Variants in GLIS3 observed in about 807,000 individuals in gnomAD.
GLIS3 encodes zinc finger protein GLIS3.
GLIS3 carries 53 observed loss-of-function variants against 78.6 expected under a neutral mutation model. The observed-to-expected ratio is 0.67, with a 90% CI of 0.54 to 0.85. The LOEUF (loss-of-function observed/expected upper bound fraction) is 0.85. Among genes scored for constraint, GLIS3 ranks in the 40% least tolerant of loss-of-function variants. GLIS3 has a pLI of 0.00. For synonymous variants in GLIS3, 684 were observed against 509.9 expected (o/e 1.34, Z -4.60); for missense variants, 1,703 against 1,231.1 (o/e 1.38, Z -5.74).
chr9:4,271,095 T>A (rs946076820), intron 2 of GLIS3, among the ~76,000 whole-genome samples: 2 of 152,142 alleles, frequency 1.3e-5, no homozygotes, highest in African/African-American at 4.8e-5. Flanking sequence ...TGAAGAATTT[T>A]ATGATGATCC....
intron 4 of GLIS3, among the ~76,000 whole-genome samples, chr9:4,039,585 A>C (rs1402662779): frequency 6.6e-6 from 1 of 152,170 alleles, no homozygotes; most frequent in Non-Finnish European, 1.5e-5. Flanking sequence ...AGGCCATAAA[A>C]ATACAGGCCA....
chr9:4,149,550 T>A (rs145904034), intron 2 of GLIS3, among the ~76,000 whole-genome samples: 18 of 152,334 alleles, frequency 1.2e-4, no homozygotes, highest in African/African-American at 4.1e-4. Context: ...ATATAAGCAA[T>A]AGTCAGGCAT....
intron 2 of GLIS3, among the ~76,000 whole-genome samples, chr9:4,324,557 T>A (rs770953493): frequency 1.3e-5 from 2 of 152,232 alleles, no homozygotes; most frequent in African/African-American, 2.4e-5. Context: ...TCTTCCTTGA[T>A]GATTTCAAAC....
At chr9:3,838,211 A>C (rs1317744989) in intron 9 of GLIS3, among the ~76,000 whole-genome samples, 2 of 152,218 alleles carry the variant, frequency 1.3e-5, no homozygotes, top group Non-Finnish European at 2.9e-5. Context: ...CCTGGCATGT[A>C]GTAAGCATTC....
chr9:4,489,896 T>G, the GLIS3 span, among the ~76,000 whole-genome samples: 1 of 152,226 alleles, frequency 6.6e-6, no homozygotes, highest in Non-Finnish European at 1.5e-5. Flanking sequence ...GAATAATCCC[T>G]GTGGGGGCAC....
upstream of GLIS3, among the ~76,000 whole-genome samples, chr9:4,350,682 C>G (rs1203437378): frequency 6.6e-6 from 1 of 152,170 alleles, no homozygotes; most frequent in African/African-American, 2.4e-5. Context: ...TCTCTCAAAT[C>G]AAGTAATATC....
chr9:4,285,737 T>G, intron 2 of GLIS3: 1 of 404,900 alleles, frequency 2.5e-6, no homozygotes, highest in Non-Finnish European at 4.6e-6. Context: ...CTTGCTAACC[T>G]AGCTCTTACC....
intron 4 of GLIS3, among the ~76,000 whole-genome samples, chr9:3,972,467 G>A (rs1375397318): frequency 2.0e-5 from 3 of 152,184 alleles, no homozygotes; most frequent in Non-Finnish European, 4.4e-5. Flanking sequence ...CTCATGGGGA[G>A]CTTCCCAAAG....
At chr9:4,440,110 G>A in the GLIS3 span, among the ~76,000 whole-genome samples, 1 of 152,160 alleles carries the variant, frequency 6.6e-6, no homozygotes, top group Non-Finnish European at 1.5e-5. Context: ...CAGACGTGTA[G>A]TTTTCAAATA....
At chr9:3,849,835 G>A (rs1342976126) in intron 9 of GLIS3, among the ~76,000 whole-genome samples, 3 of 152,070 alleles carry the variant, frequency 2.0e-5, no homozygotes, top group Non-Finnish European at 4.4e-5. Flanking sequence ...CTGGAACCCA[G>A]GAGGCAGAGG....
intron 2 of GLIS3, among the ~76,000 whole-genome samples, chr9:4,312,982 G>C (rs1817387164): frequency 6.6e-6 from 1 of 152,174 alleles, no homozygotes; most frequent in Non-Finnish European, 1.5e-5. Context: ...CACCTCCCCA[G>C]GATACACAAT....
chr9:3,912,438 C>A (rs1054056377), intron 6 of GLIS3, among the ~76,000 whole-genome samples: 1 of 152,140 alleles, frequency 6.6e-6, no homozygotes, highest in African/African-American at 2.4e-5. Flanking sequence ...CACAACAAAA[C>A]TTTTTAGAAC....
chr9:3,855,848 G>C (rs1370098220), intron 9 of GLIS3, 161 bp downstream of exon 9: 9 of 768,518 alleles, frequency 1.2e-5, no homozygotes, highest in Middle Eastern at 2.4e-4. Flanking sequence ...AAATACCATA[G>C]GATTTCATGC....
chr9:4,431,642 C>T, the GLIS3 span, among the ~76,000 whole-genome samples: 86 of 152,158 alleles, frequency 5.7e-4, no homozygotes, highest in African/African-American at 1.8e-3. Flanking sequence ...ATCAGGAGTT[C>T]GAGACCAGCC....
intron 4 of GLIS3, among the ~76,000 whole-genome samples, chr9:3,943,742 G>A (rs746656590): frequency 6.6e-6 from 1 of 152,162 alleles, no homozygotes; most frequent in South Asian, 2.1e-4. Flanking sequence ...AAAAGGCTAT[G>A]ACACTTTGGT....
intron 2 of GLIS3, among the ~76,000 whole-genome samples, chr9:4,142,078 G>T (rs1376979032): frequency 6.6e-6 from 1 of 152,106 alleles, no homozygotes; most frequent in African/African-American, 2.4e-5. Flanking sequence ...CAAAAAATGA[G>T]GAAGAACAGA....
the GLIS3 span, among the ~76,000 whole-genome samples, chr9:4,401,354 C>T: frequency 3.3e-5 from 5 of 149,304 alleles, no homozygotes; most frequent in Non-Finnish European, 5.9e-5. Context: ...CTGTCTCCCA[C>T]GTTCAAGCGA....
At chr9:4,069,096 T>A (rs1352595338) in intron 4 of GLIS3, among the ~76,000 whole-genome samples, 1 of 152,174 alleles carries the variant, frequency 6.6e-6, no homozygotes, top group Non-Finnish European at 1.5e-5. Context: ...ACTCACAGTT[T>A]TATGAAGCCT....
At chr9:3,887,141 C>G (rs1822133928) in intron 7 of GLIS3, among the ~76,000 whole-genome samples, 1 of 152,142 alleles carries the variant, frequency 6.6e-6, no homozygotes, top group Admixed American at 6.5e-5. Flanking sequence ...TTCCTTCCCA[C>G]TTTGCAGTGT....
Sources: gnomAD v4.1 joint callset for allele counts (sites outside exome capture counted in the v4.1 genomes callset) on GRCh38, gnomAD v4.1.1 for gene constraint, MANE v1.5 for transcripts, NCBI Gene and HGNC (gene_info 2026-07-23, HGNC 2026-07-21) for gene names.